Variants in CR1L observed in about 807,000 individuals in gnomAD.
CR1L encodes the protein complement C3b/C4b receptor 1 like, also known as complement component receptor 1-like protein.
In CR1L, 59 loss-of-function variants were observed where a neutral mutation model predicts 62.3. The observed-to-expected ratio is 0.95, with a 90% CI of 0.77 to 1.18. The LOEUF is 1.18. Among genes scored for constraint, CR1L ranks in the 50% most tolerant of loss-of-function variants. The pLI is 0.00. For missense variants in CR1L, 700 were observed against 702.8 expected (o/e 1.00, Z 0.04); for synonymous variants, 279 against 248.7 (o/e 1.12, Z -1.15).
chr1:207,697,060 G>T (rs1664109997), intron 5 of CR1L, among the ~76,000 whole-genome samples: 1 of 152,192 alleles, frequency 6.6e-6, no homozygotes, highest in Non-Finnish European at 1.5e-5. Context: ...ATAGGTGATG[G>T]AGGGACCTAT....
At chr1:207,723,065 G>A (rs965733748) in intron 11 of CR1L, among the ~76,000 whole-genome samples, 3 of 152,104 alleles carry the variant, frequency 2.0e-5, no homozygotes, top group African/African-American at 4.8e-5. Context: ...ACTAGGATTT[G>A]GGGTGATATT....
chr1:207,714,160 C>T (rs1360388382), intron 10 of CR1L, among the ~76,000 whole-genome samples: 1 of 152,180 alleles, frequency 6.6e-6, no homozygotes, highest in African/African-American at 2.4e-5. Flanking sequence ...AGAAGAGACA[C>T]AAGGGTGGAC....
At chr1:207,710,775 T>A in intron 10 of CR1L, 4 of 1,602,080 alleles carry the variant, frequency 2.5e-6, no homozygotes, top group Non-Finnish European at 3.4e-6. Context: ...GCTACCAAGC[T>A]GCTCCAGGGG....
intron 11 of CR1L, among the ~76,000 whole-genome samples, chr1:207,722,013 T>A (rs1654146506): frequency 1.3e-5 from 1 of 75,396 alleles, no homozygotes; most frequent in Non-Finnish European, 3.0e-5. Context: ...TCTGTTCATG[T>A]CCTTCACCCA....
intron 11 of CR1L, among the ~76,000 whole-genome samples, chr1:207,718,623 A>G (rs1247827002): frequency 6.6e-6 from 1 of 152,042 alleles, no homozygotes; most frequent in African/African-American, 2.4e-5. Context: ...GGGATTCACA[A>G]TGTTGGCCCG....
At chr1:207,652,695 G>A (rs1663240789) in intron 1 of CR1L, 10 of 935,484 alleles carry the variant, frequency 1.1e-5, no homozygotes, top group Non-Finnish European at 1.8e-5. Context: ...TTTGTGATCG[G>A]AATCACACAT....
At chr1:207,717,291 A>T (rs1415629342) in intron 10 of CR1L, among the ~76,000 whole-genome samples, 173 bp from the exon 11 acceptor site, 1 of 152,226 alleles carries the variant, frequency 6.6e-6, no homozygotes, top group East Asian at 1.9e-4. Flanking sequence ...TAGGTCTCAC[A>T]ACAGTTAGTT....
chr1:207,678,223 T>A lies in CR1L; in HGVS notation c.303T>A (p.Asp101Glu), dbSNP rs759274786. The A allele has an allele frequency of 1.2e-6, 2 of 1,613,588 alleles. No homozygotes were observed. The highest frequency in any genetic ancestry group is 4.5e-5 in the East Asian group (2 of 44,898). ...CKRKSCRNPP[D>E]PVNGMAHVIK... The stretch of plus-strand genomic sequence containing the variant: ...GTAAATCATGTCGTAATCCTCCAGA[T>A]CCTGTGAATGGCATGGCACATGTGA... The change falls in exon 3 of 12, where the codon GAT (aspartate) becomes GAA (glutamate). Residue 101 changes from aspartate (D) to glutamate (E), a missense_variant. Physicochemically the swap from Asp to Glu is conservative, Grantham distance 45 (BLOSUM62 2). Transcript: ENST00000508064.
At chr1:207,723,450 G>A (rs1357418230) in intron 11 of CR1L, among the ~76,000 whole-genome samples, 168 bp from the exon 12 acceptor site, 1 of 151,842 alleles carries the variant, frequency 6.6e-6, no homozygotes, top group Non-Finnish European at 1.5e-5. Context: ...TCTTCTCTGA[G>A]TGCAGAAGGT....
intron 3 of CR1L, 39 bp downstream of exon 3, chr1:207,678,336 AG>A: frequency 6.4e-7 from 1 of 1,560,568 alleles, no homozygotes; most frequent in Non-Finnish European, 8.8e-7. Context: ...TCTTGGTTCA[AG>A]GGTTCTAACA....
rs769922206 is a variant in CR1L at position 207,694,679 on chromosome 1, A to G, written c.790A>G (p.Met264Val). The change falls in exon 5 of 12, where the codon ATG becomes GTG. Residue 264 changes from methionine (M) to valine (V), a missense_variant. Transcript: ENST00000508064. Reference sequence around the variant, plus strand: ...GTTTAGGTGTCAGCCTGGCTTTGGCATGAAAGGGCCCTCCCATGTGAAGTG... The same window carrying G: ...GTTTAGGTGTCAGCCTGGCTTTGGCGTGAAAGGGCCCTCCCATGTGAAGTG... ...VEFRCQPGFG[M>V]KGPSHVKCQA... 6 of 1,611,796 alleles carry G rather than the reference A, an allele frequency of 3.7e-6. No homozygotes were observed. The East Asian group carries it at 1.1e-4, about 30-fold the overall frequency.
At chr1:207,699,076 A>C in intron 7 of CR1L, 113 bp from the exon 8 acceptor site, 1 of 1,362,800 alleles carries the variant, frequency 7.3e-7, no homozygotes, top group Non-Finnish European at 1.0e-6. Flanking sequence ...CAACTCTGCC[A>C]CCTGCTGGCC....
In CR1L at chr1:207,665,210, T is replaced by C. The variant is rs559336843; in HGVS notation, c.98-12179T>C. Among the ~76,000 whole-genome samples the C allele has an allele frequency of 2.3e-4, 34 of 150,588 alleles. No individual in the cohort carries two copies. In the South Asian group the frequency reaches 3.6e-3, roughly 16 times the overall value. On this transcript the variant is annotated intron_variant, in intron 1 of 11. Coordinates refer to ENST00000508064, the MANE Select transcript of CR1L (RefSeq NM_175710.2). ...CTGGGGCTACAGGCACCCGCCACCA[T>C]GCCAGGCTAATTTTTTTGTATTTTT...
rs541766287 is a variant in CR1L, at chr1:207,665,631, G to A, written c.98-11758G>A. The stretch of plus-strand genomic sequence containing the variant: ...GCTGGTCTCGAACTCCTGACCTCGT[G>A]ATCCACCCGCCTCAGCCTCCAAAAA... On this transcript the variant is annotated intron_variant, in intron 1 of 11. Transcript: ENST00000508064. Among the ~76,000 whole-genome samples, 3 of 152,002 alleles carry A rather than the reference G, an allele frequency of 2.0e-5. No homozygotes were observed. The South Asian group carries it at 6.2e-4, about 32-fold the overall frequency.
intron 10 of CR1L, among the ~76,000 whole-genome samples, chr1:207,714,736 A>G (rs1445825422): frequency 6.6e-6 from 1 of 152,174 alleles, no homozygotes; most frequent in Non-Finnish European, 1.5e-5. Flanking sequence ...AGCAGTACTC[A>G]ATAGTAAGTT....
chr1:207,665,455 G>A (rs1375062466), intron 1 of CR1L, among the ~76,000 whole-genome samples: 4 of 151,300 alleles, frequency 2.6e-5, no homozygotes, highest in African/African-American at 9.7e-5. Flanking sequence ...GGAGTCCAGT[G>A]ACATGATCTC....
intron 4 of CR1L, among the ~76,000 whole-genome samples, chr1:207,691,113 T>TAGCAATCTGTA (rs1553244023): frequency 6.6e-6 from 1 of 152,230 alleles, no homozygotes; most frequent in Non-Finnish European, 1.5e-5. Context: ...CTCTTTGTTC[T>TAGCAATCTGTA]AGCAATCTTT....
At chr1:207,669,966 C>T (rs1663585288) in intron 1 of CR1L, among the ~76,000 whole-genome samples, 1 of 151,170 alleles carries the variant, frequency 6.6e-6, no homozygotes, top group Admixed American at 6.6e-5. Flanking sequence ...AGAAACTTAA[C>T]TGTGAGGCAA....
chr1:207,646,745 T>C (rs1171917811), intron 1 of CR1L, among the ~76,000 whole-genome samples: 1 of 109,154 alleles, frequency 9.2e-6, no homozygotes, highest in Non-Finnish European at 1.9e-5. Context: ...AGCCAAAAAA[T>C]ACATGCTTAA....
Sources: gnomAD v4.1 joint callset for allele counts (sites outside exome capture counted in the v4.1 genomes callset) on GRCh38, gnomAD v4.1.1 for gene constraint, MANE v1.5 for transcripts, NCBI Gene and HGNC (gene_info 2026-07-23, HGNC 2026-07-21) for gene names.